Variants in HBS1L observed in about 807,000 individuals in gnomAD.
The protein encoded by HBS1L is HBS1 like translational GTPase, also known as HBS1-like protein.
In HBS1L, 55 loss-of-function variants were observed where a neutral mutation model predicts 88.9. The observed-to-expected ratio is 0.62, with a 90% CI of 0.50 to 0.77. The LOEUF (loss-of-function observed/expected upper bound fraction) is 0.77, where lower values mean the gene tolerates loss of function less well. Among genes scored for constraint, HBS1L ranks in the 30% least tolerant of loss-of-function variants. The pLI is 0.00. For missense variants in HBS1L, 741 were observed against 829.3 expected (o/e 0.89, Z 1.31); for synonymous variants, 267 against 288.5 (o/e 0.93, Z 0.76).
At chr6:135,004,114 ATAAGT>A (rs1271572497) in intron 4 of HBS1L, among the ~76,000 whole-genome samples, 2 of 152,156 alleles carry the variant, frequency 1.3e-5, no homozygotes, top group Non-Finnish European at 2.9e-5. Flanking sequence ...ATAAGAAAAG[ATAAGT>A]TAATGTATAA....
chr6:134,981,545 T>C (rs1456058626), intron 13 of HBS1L, among the ~76,000 whole-genome samples: 1 of 151,890 alleles, frequency 6.6e-6, no homozygotes, highest in Non-Finnish European at 1.5e-5. Context: ...TACATTCAAA[T>C]TGATAAACTA....
At chr6:134,991,413 T>TC (rs1180814876) in intron 8 of HBS1L, among the ~76,000 whole-genome samples, 1 of 151,944 alleles carries the variant, frequency 6.6e-6, no homozygotes, top group Non-Finnish European at 1.5e-5. Context: ...GTGGAATTTG[T>TC]CCCCCCCAAA....
At chr6:135,021,733 T>C (rs1015391321) in intron 4 of HBS1L, among the ~76,000 whole-genome samples, 2 of 152,172 alleles carry the variant, frequency 1.3e-5, no homozygotes, top group African/African-American at 4.8e-5. Context: ...AAAAGGGCAC[T>C]GGAGATTCAA....
chr6:134,992,171 T>C (rs148361478), intron 8 of HBS1L, among the ~76,000 whole-genome samples: 128 of 152,354 alleles, frequency 8.4e-4, no homozygotes, highest in African/African-American at 2.8e-3. Context: ...CTTCATGTTT[T>C]CCAGTAATCA....
intron 9 of HBS1L, among the ~76,000 whole-genome samples, 174 bp from the exon 10 acceptor site, chr6:134,986,984 CT>C (rs1239984518): frequency 6.6e-6 from 1 of 152,014 alleles, no homozygotes; most frequent in East Asian, 1.9e-4. Flanking sequence ...GTAATTCTTC[CT>C]CAAAATGCTC....
intron 4 of HBS1L, among the ~76,000 whole-genome samples, chr6:135,021,299 G>A (rs59329760): frequency 0.46 from 69,260 of 151,818 alleles, 16,286 homozygotes; most frequent in South Asian, 0.56. Context: ...GATTAGGCAT[G>A]TACTTTCTCT....
intron 5 of HBS1L, among the ~76,000 whole-genome samples, chr6:135,002,431 T>A (rs1344396606): frequency 6.6e-6 from 1 of 152,202 alleles, no homozygotes; most frequent in Non-Finnish European, 1.5e-5. Context: ...GGTATAAGAA[T>A]TCCCTATCTC....
At chr6:134,975,060 A>G (rs1018680902) in intron 15 of HBS1L, among the ~76,000 whole-genome samples, 1 of 152,216 alleles carries the variant, frequency 6.6e-6, no homozygotes, top group African/African-American at 2.4e-5. Flanking sequence ...TGAATTCAGT[A>G]AAGTCTCAGG....
chr6:135,013,828 AACT>A (rs1405224405), intron 4 of HBS1L, among the ~76,000 whole-genome samples: 1 of 152,252 alleles, frequency 6.6e-6, no homozygotes, highest in Non-Finnish European at 1.5e-5. Context: ...ATAAGTATTT[AACT>A]ACTATTTACA....
At chr6:135,023,870 T>C (rs968819635) in intron 4 of HBS1L, among the ~76,000 whole-genome samples, 1 of 152,200 alleles carries the variant, frequency 6.6e-6, no homozygotes, top group Non-Finnish European at 1.5e-5. Context: ...GAAATATCAA[T>C]TTTGAAAACT....
At chr6:135,027,684 T>C (rs1776273457) in intron 4 of HBS1L, among the ~76,000 whole-genome samples, 1 of 152,180 alleles carries the variant, frequency 6.6e-6, no homozygotes, top group Non-Finnish European at 1.5e-5. Context: ...CATGGCAAAA[T>C]GTTAGCTTAT....
chr6:135,037,429 T>G (rs7742542), intron 4 of HBS1L: 767,351 of 1,547,832 alleles, frequency 0.5, 192,095 homozygotes, highest in South Asian at 0.56. Flanking sequence ...AACTTCAGTT[T>G]CTTTACTAGC....
chr6:134,965,335 A>C, intron 17 of HBS1L, 45 bp from the exon 18 acceptor site: 1 of 1,292,106 alleles, frequency 7.7e-7, no homozygotes. Flanking sequence ...AATTTAATCA[A>C]TCACATTATA....
chr6:135,041,078 A>G (rs1022428904), intron 3 of HBS1L, among the ~76,000 whole-genome samples: 3 of 152,122 alleles, frequency 2.0e-5, no homozygotes, highest in Admixed American at 2.0e-4. Flanking sequence ...CATTTCACAG[A>G]ATGCAATTTA....
intron 4 of HBS1L, among the ~76,000 whole-genome samples, chr6:135,021,302 C>G (rs1054110345): frequency 3.9e-5 from 6 of 152,012 alleles, no homozygotes; most frequent in African/African-American, 1.4e-4. Context: ...TAGGCATGTA[C>G]TTTCTCTTAA....
At chr6:135,045,317 T>C (rs1200760254) in intron 2 of HBS1L, among the ~76,000 whole-genome samples, 1 of 152,172 alleles carries the variant, frequency 6.6e-6, no homozygotes, top group Non-Finnish European at 1.5e-5. Flanking sequence ...GGAAGTGCCT[T>C]CTGAAAAAAC....
intron 16 of HBS1L, among the ~76,000 whole-genome samples, chr6:134,968,342 G>C (rs761511243): frequency 6.6e-6 from 1 of 151,732 alleles, no homozygotes; most frequent in Non-Finnish European, 1.5e-5. Flanking sequence ...TCCGCCCACC[G>C]GGTTCAAGAG....
intron 8 of HBS1L, among the ~76,000 whole-genome samples, chr6:134,990,821 G>A (rs1273029210): frequency 6.6e-6 from 1 of 152,024 alleles, no homozygotes; most frequent in African/African-American, 2.4e-5. Context: ...CAAAGTGCTG[G>A]GATTACAGGC....
chr6:135,036,912 T>C (rs2114895145), intron 4 of HBS1L: 6 of 1,551,666 alleles, frequency 3.9e-6, no homozygotes, highest in Non-Finnish European at 4.4e-6. Flanking sequence ...CTTTAGTTCG[T>C]GATGATGGAG....
Sources: allele counts gnomAD v4.1 joint callset (sites outside exome capture counted in the v4.1 genomes callset), GRCh38; gene constraint gnomAD v4.1.1; transcripts MANE v1.5; gene names NCBI Gene and HGNC (gene_info 2026-07-23, HGNC 2026-07-21).